ADAMTS17: variants seen among roughly 807,000 people sequenced by gnomAD.
ADAMTS17 encodes ADAM metallopeptidase with thrombospondin type 1 motif 17.
ADAMTS17 carries 113 observed loss-of-function variants against 141.5 expected under a neutral mutation model. That is an observed-to-expected ratio of 0.80 (90% CI 0.69 to 0.93). The LOEUF (loss-of-function observed/expected upper bound fraction) is 0.93. Among genes scored for constraint, ADAMTS17 ranks in the 40% least tolerant of loss-of-function variants. ADAMTS17 has a pLI of 0.00. For synonymous variants in ADAMTS17, 768 were observed against 630.6 expected, an observed-to-expected ratio of 1.22 and a Z score of -3.27; for missense variants, 1,659 against 1,517.9, an observed-to-expected ratio of 1.09 and a Z score of -1.54.
intron 4 of ADAMTS17, among the ~76,000 whole-genome samples, chr15:100,277,356 T>C (rs2044133716): frequency 6.6e-6 from 1 of 152,046 alleles, no homozygotes; most frequent in East Asian, 1.9e-4. Context: ...GGTGGGAGTG[T>C]CTGTCTCCAT....
intron 15 of ADAMTS17, 112 bp from the exon 16 acceptor site, chr15:100,054,166 G>T: frequency 5.7e-6 from 7 of 1,217,408 alleles, no homozygotes; most frequent in Non-Finnish European, 7.3e-6. Context: ...CCCTTCCACA[G>T]GGGGAAGGAG....
At chr15:100,313,221 A>T (rs2045459567) in intron 3 of ADAMTS17, among the ~76,000 whole-genome samples, 1 of 152,314 alleles carries the variant, frequency 6.6e-6, no homozygotes, top group Non-Finnish European at 1.5e-5. Flanking sequence ...CACACACACA[A>T]AACAATATTA....
At chr15:100,185,296 C>A (rs894917881) in intron 8 of ADAMTS17, among the ~76,000 whole-genome samples, 1 of 151,056 alleles carries the variant, frequency 6.6e-6, no homozygotes, top group African/African-American at 2.4e-5. Context: ...GCCCTGAGAA[C>A]AAGCTCGTAG....
At chr15:100,147,570 C>T (rs754665584) in intron 10 of ADAMTS17, among the ~76,000 whole-genome samples, 25 of 152,130 alleles carry the variant, frequency 1.6e-4, no homozygotes, top group African/African-American at 3.9e-4. Flanking sequence ...TATAAAAATA[C>T]GGTATAAAAG....
At chr15:100,021,025 C>T (rs1339824624) in intron 18 of ADAMTS17, among the ~76,000 whole-genome samples, 1 of 152,172 alleles carries the variant, frequency 6.6e-6, no homozygotes, top group Non-Finnish European at 1.5e-5. Context: ...TGGCTCTTTC[C>T]TTGGTTCAGT....
chr15:100,177,854 C>T (rs1230372550), intron 8 of ADAMTS17, among the ~76,000 whole-genome samples: 5 of 152,034 alleles, frequency 3.3e-5, no homozygotes, highest in East Asian at 3.8e-4. Flanking sequence ...GGTACATATA[C>T]GTTAAAGGTT....
In ADAMTS17 at chr15:100,180,737, C is replaced by T. The variant is rs553830539; in HGVS notation, c.1181+18581G>A. Among the ~76,000 whole-genome samples the T allele has an allele frequency of 2.6e-5, 4 of 152,280 alleles. No individual in the cohort carries two copies. In the South Asian group the frequency reaches 8.3e-4, roughly 32 times the overall value. On this transcript the variant is annotated intron_variant, in intron 8 of 21. Coordinates refer to ENST00000268070, the MANE Select transcript of ADAMTS17 (RefSeq NM_139057.4). ...TTTTCATTACAGAGATCTTTTACTT[C>T]TTTGGTTAAGTTAATTCTTAGGTAT... is the stretch of plus-strand genomic sequence containing the variant.
At chr15:100,163,213 C>A (rs1470823178) in intron 8 of ADAMTS17, among the ~76,000 whole-genome samples, 1 of 151,900 alleles carries the variant, frequency 6.6e-6, no homozygotes, top group Non-Finnish European at 1.5e-5. Context: ...TTAACTTTTA[C>A]CAAAAATTCA....
chr15:99,987,618 G>A (rs2573596), intron 20 of ADAMTS17, among the ~76,000 whole-genome samples: 3 of 152,060 alleles, frequency 2.0e-5, no homozygotes, highest in Admixed American at 6.5e-5. Context: ...TACGGCAAAC[G>A]TAAACAGTCC....
chr15:100,270,133 G>A (rs1441293980), intron 4 of ADAMTS17, among the ~76,000 whole-genome samples: 4 of 152,018 alleles, frequency 2.6e-5, no homozygotes, highest in African/African-American at 7.2e-5. Context: ...TGACTCTGGA[G>A]CCATTTCTTC....
intron 3 of ADAMTS17, among the ~76,000 whole-genome samples, chr15:100,316,028 T>C (rs1338046628): frequency 6.6e-6 from 1 of 152,238 alleles, no homozygotes; most frequent in African/African-American, 2.4e-5. Flanking sequence ...GTAGGAAGGA[T>C]GGAAGGAATA....
intron 15 of ADAMTS17, among the ~76,000 whole-genome samples, chr15:100,080,045 A>G (rs1360379595): frequency 2.0e-5 from 3 of 152,170 alleles, no homozygotes; most frequent in African/African-American, 7.2e-5. Flanking sequence ...AGCATCCAAT[A>G]TACGGTACTG....
chr15:100,152,557 G>A (rs1340105237), intron 10 of ADAMTS17, 55 bp downstream of exon 10: 10 of 1,606,934 alleles, frequency 6.2e-6, no homozygotes, highest in African/African-American at 1.3e-5. Flanking sequence ...CAGACCTGCT[G>A]TGGGAGGGCT....
intron 8 of ADAMTS17, among the ~76,000 whole-genome samples, chr15:100,166,851 C>A (rs1416154622): frequency 6.6e-6 from 1 of 152,216 alleles, no homozygotes; most frequent in African/African-American, 2.4e-5. Flanking sequence ...CCATCTTGCA[C>A]CAGGCATTTT....
chr15:100,133,297 G>C lies in ADAMTS17; in HGVS notation c.1492C>G (p.Leu498Val). ...GTGTCTCCTTCTACCAGGCACCACAGTCCAGCACACATTAGATGCTGCAGG... is the reference window on the plus strand; with the variant it reads ...GTGTCTCCTTCTACCAGGCACCACACTCCAGCACACATTAGATGCTGCAGG... ...RNMEHLMCAG[L>V]WCLVEGDTSC... The change falls in exon 11 of 22, where the codon CTG (leucine) becomes GTG (valine). Residue 498 changes from leucine to valine, a missense_variant. Transcript: ENST00000268070. The C allele has an allele frequency of 6.3e-7, 1 of 1,591,184 alleles. No homozygotes were observed. The highest frequency in any genetic ancestry group is 8.6e-7 in the Non-Finnish European group (1 of 1,166,554).
rs55883121 is a variant in ADAMTS17, at chr15:100,021,982, G to A, written c.2592-24393C>T. On this transcript the variant is annotated intron_variant, in intron 18 of 21. Coordinates refer to ENST00000268070, the MANE Select transcript of ADAMTS17 (RefSeq NM_139057.4). ...CTCTCCAAATGGCCTAAATGATACC[G>A]TTCCTGCCAAGACTATCCTGACCTT... 7.9e-3 allele frequency among the ~76,000 whole-genome samples: 1,198 copies of A among 152,240 alleles called. 17 individuals carry two copies. Among genetic ancestry groups the A allele is most frequent in the African/African-American group, 0.027 (1,133 of 41,546 alleles).
chr15:100,256,066 G>A (rs974011236), intron 6 of ADAMTS17, among the ~76,000 whole-genome samples: 8 of 152,230 alleles, frequency 5.3e-5, no homozygotes, highest in Non-Finnish European at 8.8e-5. Flanking sequence ...CCACCTGCCT[G>A]CAGGGGCTGC....
chr15:100,010,663 T>A (rs1161842332), intron 18 of ADAMTS17, among the ~76,000 whole-genome samples: 1 of 152,226 alleles, frequency 6.6e-6, no homozygotes, highest in Non-Finnish European at 1.5e-5. Flanking sequence ...GCAACTCTGT[T>A]ACGAGAACAA....
chr15:100,037,694 C>A (rs1211117447), intron 18 of ADAMTS17, among the ~76,000 whole-genome samples: 1 of 152,058 alleles, frequency 6.6e-6, no homozygotes, highest in East Asian at 1.9e-4. Context: ...CAGGCATAAG[C>A]CACCATGCTT....
Sources: allele counts gnomAD v4.1 joint callset (sites outside exome capture counted in the v4.1 genomes callset), GRCh38; gene constraint gnomAD v4.1.1; transcripts MANE v1.5; gene names NCBI Gene and HGNC (gene_info 2026-07-23, HGNC 2026-07-21).